RCBTB2: variants seen among roughly 807,000 people sequenced by gnomAD.
RCBTB2 encodes RCC1 and BTB domain containing protein 2.
In RCBTB2, 55 loss-of-function variants were observed where a neutral mutation model predicts 65.4. The ratio of observed to expected loss-of-function variants is 0.84; its 90% CI spans 0.68 to 1.05. The LOEUF (loss-of-function observed/expected upper bound fraction) is 1.05. Among genes scored for constraint, RCBTB2 ranks in the 50% least tolerant of loss-of-function variants. RCBTB2 has a pLI of 0.00. For synonymous variants in RCBTB2, 220 were observed against 255.2 expected (o/e 0.86, Z 1.31); for missense variants, 599 against 680.1 (o/e 0.88, Z 1.33).
Position 48,501,760 on chromosome 13 carries a change from T to C in RCBTB2, c.1226A>G (p.Lys409Arg). 1 of 1,612,530 alleles carries C rather than the reference T, an allele frequency of 6.2e-7. No homozygotes were observed. Among genetic ancestry groups the C allele is most frequent in the Admixed American group, 1.7e-5 (1 of 59,906 alleles). ...TCCTTACCGAATCTTGAGAAGGACT[T>C]TATGTGCATAAATGTACTTTCCATC... is the stretch of plus-strand genomic sequence containing the variant. The part of the protein sequence containing the change: ...LVDGKYIYAH[K>R]VLLKIRCEHF... The change falls in exon 12 of 15, where the codon AAA becomes AGA. Residue 409 changes from lysine (K) to arginine (R), a missense_variant. Coordinates refer to ENST00000344532, the MANE Select transcript of RCBTB2 (RefSeq NM_001268.4).
At chr13:48,499,579 C>G in intron 13 of RCBTB2, 42 bp downstream of exon 13, 1 of 1,605,558 alleles carries the variant, frequency 6.2e-7, no homozygotes, top group Non-Finnish European at 8.5e-7. Flanking sequence ...CTTGTCAGTT[C>G]CTCAACATTT....
intron 4 of RCBTB2, among the ~76,000 whole-genome samples, chr13:48,516,041 G>A (rs1951068305): frequency 6.6e-6 from 1 of 152,114 alleles, no homozygotes; most frequent in African/African-American, 2.4e-5. Flanking sequence ...TTTAAATATT[G>A]GCTATGTCTT....
At chr13:48,520,610 A>C (rs1021749439) in intron 4 of RCBTB2, among the ~76,000 whole-genome samples, 2 of 152,192 alleles carry the variant, frequency 1.3e-5, no homozygotes, top group Non-Finnish European at 2.9e-5. Context: ...TATTAGCTCA[A>C]GGAAAACATA....
intron 1 of RCBTB2, among the ~76,000 whole-genome samples, chr13:48,526,421 A>G (rs948866467): frequency 3.2e-4 from 48 of 152,262 alleles, no homozygotes; most frequent in African/African-American, 1.1e-3. Context: ...CTGTAGTCCC[A>G]GCTACTTGGG....
At chr13:48,497,384 T>G (rs1389415432) in intron 13 of RCBTB2, among the ~76,000 whole-genome samples, 1 of 152,186 alleles carries the variant, frequency 6.6e-6, no homozygotes, top group Non-Finnish European at 1.5e-5. Context: ...CAACGTAGAC[T>G]GGGTGAGGTG....
chr13:48,509,390 A>T (rs1950665045), intron 10 of RCBTB2, among the ~76,000 whole-genome samples: 2 of 152,164 alleles, frequency 1.3e-5, no homozygotes, highest in Admixed American at 1.3e-4. Flanking sequence ...TGCCATCTTT[A>T]TTTGATCCTT....
intron 4 of RCBTB2, among the ~76,000 whole-genome samples, chr13:48,517,644 T>C (rs2138581797): frequency 6.6e-6 from 1 of 152,344 alleles, no homozygotes; most frequent in South Asian, 2.1e-4. Context: ...AGCCACCAGC[T>C]TTTTTCTTGT....
intron 7 of RCBTB2, 75 bp downstream of exon 7, chr13:48,512,654 A>C: frequency 8.3e-7 from 1 of 1,206,230 alleles, no homozygotes. Context: ...AAATGATTGT[A>C]TTTCCAGGAC....
intron 10 of RCBTB2, among the ~76,000 whole-genome samples, chr13:48,509,755 C>A (rs1837660789): frequency 6.6e-6 from 1 of 152,110 alleles, no homozygotes; most frequent in African/African-American, 2.4e-5. Context: ...TGAAAAATGA[C>A]AATTTGGTTC....
chr13:48,511,454 T>C (rs1950790871), intron 9 of RCBTB2, among the ~76,000 whole-genome samples: 1 of 152,208 alleles, frequency 6.6e-6, no homozygotes, highest in South Asian at 2.1e-4. Flanking sequence ...GTAAGACAGT[T>C]ACAGGAATTG....
At position 48,515,213 on chromosome 13, in the gene RCBTB2, G is replaced by C; in HGVS notation, c.341C>G (p.Ala114Gly). 6.2e-7 allele frequency: 1 copy of C among 1,612,548 alleles called. No individual in the cohort carries two copies. Among genetic ancestry groups the C allele is most frequent in the East Asian group, 2.2e-5 (1 of 44,866 alleles). The stretch of plus-strand genomic sequence containing the variant: ...TGGGGTTCCTAGGTTACCTGTTGTT[G>C]CAAGGACAATATGTGGACCACTCCC... ...SYGSGPHIVL[A>G]TTEGEVFTWG... The change falls in exon 6 of 15, where the codon GCA becomes GGA. Residue 114 changes from alanine to glycine, a missense_variant. Physicochemically the swap from Ala to Gly is moderately conservative, Grantham distance 60. Coordinates refer to ENST00000344532, the MANE Select transcript of RCBTB2 (RefSeq NM_001268.4).
chr13:48,499,787 T>C, intron 12 of RCBTB2, 27 bp from the exon 13 acceptor site: 1 of 1,613,454 alleles, frequency 6.2e-7, no homozygotes, highest in African/African-American at 1.3e-5. Flanking sequence ...GTATGTCAGG[T>C]CCTAGCTTCC....
In RCBTB2 at chr13:48,515,757, T is replaced by C. The variant is rs764877998; in HGVS notation, c.43-16A>G. 4 of 1,588,484 alleles carry C rather than the reference T, an allele frequency of 2.5e-6. No homozygotes were observed. In the East Asian group the frequency reaches 6.8e-5, roughly 27 times the overall value. ...CCTGTACTGGCTGAAAAGGAAAAAA[T>C]ATATGTTGAAATGACAAATTAAAAA... On this transcript the variant is annotated splice_polypyrimidine_tract_variant and intron_variant, in intron 4 of 14. Coordinates refer to ENST00000344532, the MANE Select transcript of RCBTB2 (RefSeq NM_001268.4).
Position 48,515,236 on chromosome 13 carries a change from C to T in RCBTB2, c.318G>A (p.Gly106=). The T allele has an allele frequency of 6.2e-7, 1 of 1,614,142 alleles. No homozygotes were observed. Among genetic ancestry groups the T allele is most frequent in the Non-Finnish European group, 8.5e-7 (1 of 1,180,002 alleles). The part of the protein sequence containing the change: ...NGKKIACLSY[G]SGPHIVLATT... ...TTGCAAGGACAATATGTGGACCACT[C>T]CCATAGCTGAGGCAGGCTATTTTTT... The change falls in exon 6 of 15, where the codon GGG becomes GGA. Residue 106 remains glycine (G), a synonymous_variant. Transcript: ENST00000344532.
intron 14 of RCBTB2, among the ~76,000 whole-genome samples, chr13:48,491,480 A>C (rs1033150067): frequency 6.6e-6 from 1 of 152,232 alleles, no homozygotes. Context: ...CTATACATAA[A>C]AATGTGCTTC....
rs1250405299 is a variant in RCBTB2, at chr13:48,490,166, T to G, written c.1601A>C (p.Asp534Ala). 1 of 1,614,146 alleles carries G rather than the reference T, an allele frequency of 6.2e-7. No homozygotes were observed. Residue 534 changes from aspartate to alanine, a missense_variant, in exon 15 of 15, where the codon GAT becomes GCT. Asp to Ala is a moderately radical substitution (Grantham distance 126). Coordinates refer to ENST00000344532, the MANE Select transcript of RCBTB2 (RefSeq NM_001268.4). ...TTTGCTGATAAAGTTCTTCAGGAGA[T>G]CATGGTCCATTTCTGCAAAACCTGA... ...QTSGFAEMDH[D>A]LLKNFISKAS... is the part of the protein sequence containing the mutation.
At chr13:48,533,837 C>A (rs1276311767), upstream of RCBTB2, among the ~76,000 whole-genome samples, 1 of 152,224 alleles carries the variant, frequency 6.6e-6, no homozygotes, top group Non-Finnish European at 1.5e-5. Flanking sequence ...AAATGCTCAA[C>A]AATTAAATGT....
chr13:48,493,152 C>T (rs74077639), intron 14 of RCBTB2, among the ~76,000 whole-genome samples: 1,801 of 151,440 alleles, frequency 0.012, 26 homozygotes, highest in African/African-American at 0.041. Context: ...TTTTTACCAT[C>T]CCCACAGGTG....
chr13:48,518,953 T>C (rs1951260895), intron 4 of RCBTB2, among the ~76,000 whole-genome samples: 1 of 152,214 alleles, frequency 6.6e-6, no homozygotes, highest in Non-Finnish European at 1.5e-5. Flanking sequence ...GTGGAACAAG[T>C]ATTTAATGTA....
Sources: allele counts gnomAD v4.1 joint callset (sites outside exome capture counted in the v4.1 genomes callset), GRCh38; gene constraint gnomAD v4.1.1; transcripts MANE v1.5; gene names NCBI Gene and HGNC (gene_info 2026-07-23, HGNC 2026-07-21).